Variants in PRUNE2 observed in about 807,000 individuals in gnomAD.
The protein encoded by PRUNE2 is prune homolog 2 with BCH domain.
Under a neutral mutation model 252.0 loss-of-function variants are expected in PRUNE2, and 164 were observed. The ratio of observed to expected loss-of-function variants is 0.65; its 90% confidence interval spans 0.57 to 0.74. The LOEUF is 0.74. Among genes scored for constraint, PRUNE2 ranks in the 30% least tolerant of loss-of-function variants. PRUNE2 has a pLI of 0.00. For missense variants in PRUNE2, 3,495 were observed against 3,711.0 expected, an observed-to-expected ratio of 0.94 and a Z score of 1.51; for synonymous variants, 1,292 against 1,350.2, an observed-to-expected ratio of 0.96 and a Z score of 0.94.
At chr9:76,751,251 G>GACACACACACACAC (rs3048276) in intron 6 of PRUNE2, among the ~76,000 whole-genome samples, 22 of 149,240 alleles carry the variant, frequency 1.5e-4, no homozygotes, top group African/African-American at 5.4e-4. Context: ...AGGGGACACA[G>GACACACACACACAC]ACACACACAC....
intron 1 of PRUNE2, among the ~76,000 whole-genome samples, chr9:76,901,320 A>C (rs1350141397): frequency 6.6e-6 from 1 of 152,080 alleles, no homozygotes; most frequent in Non-Finnish European, 1.5e-5. Context: ...CCTGCTCATA[A>C]ATGCTCTGGC....
intron 1 of PRUNE2, chr9:76,863,335 T>C (rs1027681728): frequency 6.6e-6 from 1 of 152,166 alleles, no homozygotes; most frequent in African/African-American, 2.4e-5. Flanking sequence ...TAATGTTGTA[T>C]AATGCATGTT....
chr9:76,905,659 C>T (rs1025392470), intron 1 of PRUNE2, among the ~76,000 whole-genome samples: 10 of 152,166 alleles, frequency 6.6e-5, no homozygotes, highest in African/African-American at 2.4e-4. Flanking sequence ...GATTTAGGGA[C>T]CGAAGCTGGA....
chr9:76,695,006 A>G (rs2045244621), intron 9 of PRUNE2, among the ~76,000 whole-genome samples: 2 of 152,202 alleles, frequency 1.3e-5, no homozygotes, highest in South Asian at 4.1e-4. Flanking sequence ...TGACTAATTA[A>G]ATAAAACCAT....
chr9:76,723,658 C>T (rs1334625199), intron 6 of PRUNE2, among the ~76,000 whole-genome samples: 1 of 152,054 alleles, frequency 6.6e-6, no homozygotes, highest in Non-Finnish European at 1.5e-5. Context: ...AAAGAAAAAC[C>T]AAGAGTTCTT....
chr9:76,897,179 A>ATATATGT (rs2062871765), intron 1 of PRUNE2, among the ~76,000 whole-genome samples: 1 of 152,104 alleles, frequency 6.6e-6, no homozygotes, highest in Non-Finnish European at 1.5e-5. Context: ...AGCGTGAACA[A>ATATATGT]TATATGTGCA....
rs369215188 is a variant in PRUNE2 at position 76,850,425 on chromosome 9, T to C, written c.344+38A>G. The C allele has an allele frequency of 5.2e-6, 8 of 1,525,602 alleles. No individual in the cohort carries two copies. The African/African-American group carries it at 9.6e-5, about 18-fold the overall frequency. The allele number at this position is 1,525,602 out of a possible 1,614,324, so 94.5% of individuals were successfully genotyped here. On this transcript the variant is annotated intron_variant, in intron 3 of 18. Transcript: ENST00000376718. ...ACACTTTGCCCAGTAGAACCTTCATTGAGGGATTAAACCTCAGAGCTTCAC... is the reference window on the plus strand; with the variant it reads ...ACACTTTGCCCAGTAGAACCTTCATCGAGGGATTAAACCTCAGAGCTTCAC...
chr9:76,667,864 G>A (rs1588378290), intron 9 of PRUNE2, among the ~76,000 whole-genome samples: 1 of 152,172 alleles, frequency 6.6e-6, no homozygotes, highest in Non-Finnish European at 1.5e-5. Context: ...CACAAACGTA[G>A]CTATAGACAA....
intron 9 of PRUNE2, among the ~76,000 whole-genome samples, chr9:76,683,954 T>G (rs1339621963): frequency 1.3e-5 from 2 of 151,082 alleles, no homozygotes; most frequent in African/African-American, 4.9e-5. Flanking sequence ...ATATTATATA[T>G]ATATACACAT....
At chr9:76,898,154 C>T (rs1035765819) in intron 1 of PRUNE2, among the ~76,000 whole-genome samples, 7 of 152,174 alleles carry the variant, frequency 4.6e-5, no homozygotes, top group African/African-American at 1.2e-4. Flanking sequence ...CATGATTAGC[C>T]GCCCGGCTGT....
intron 1 of PRUNE2, among the ~76,000 whole-genome samples, chr9:76,873,610 CT>C (rs770069939): frequency 2.0e-4 from 30 of 152,278 alleles, no homozygotes; most frequent in Admixed American, 4.6e-4. Flanking sequence ...GCGTCTTCCT[CT>C]CAAGCATAAT....
At chr9:76,823,877 CT>C in intron 5 of PRUNE2, 151 bp from the exon 6 acceptor site, 1 of 595,274 alleles carries the variant, frequency 1.7e-6, no homozygotes, top group Non-Finnish European at 3.0e-6. Context: ...CACACACACA[CT>C]AAGGCAATAA....
intron 1 of PRUNE2, chr9:76,862,089 TTA>T (rs1260374905): frequency 6.6e-6 from 1 of 152,230 alleles, no homozygotes; most frequent in Non-Finnish European, 1.5e-5. Context: ...TCACAGATCT[TTA>T]TAATCTCTTC....
chr9:76,778,027 A>T lies in PRUNE2; in HGVS notation c.756+45605T>A, dbSNP rs138643421. On this transcript the variant is annotated intron_variant, in intron 6 of 18. Coordinates refer to ENST00000376718, the MANE Select transcript of PRUNE2 (RefSeq NM_015225.3). ...CAGTAGGTGAGGTTAGAGGGGACCA[A>T]ATCATGTATTTTCCATCCAGAGGTT... Among the ~76,000 whole-genome samples the T allele has an allele frequency of 7.2e-5, 11 of 152,322 alleles. No individual in the cohort carries two copies. In the East Asian group the frequency reaches 1.9e-3, roughly 27 times the overall value.
intron 9 of PRUNE2, among the ~76,000 whole-genome samples, chr9:76,683,398 G>T (rs2043704069): frequency 6.6e-6 from 1 of 152,206 alleles, no homozygotes; most frequent in Admixed American, 6.5e-5. Flanking sequence ...GGTAAACATT[G>T]ACTGCGTGGT....
chr9:76,624,929 C>T, intron 16 of PRUNE2: 1 of 725,514 alleles, frequency 1.4e-6, no homozygotes. Context: ...ATACAGTGAC[C>T]TCTTGCTCTG....
chr9:76,652,466 C>T lies in PRUNE2; in HGVS notation c.8557+17G>A, dbSNP rs1164620025. 13 of 1,586,960 alleles carry T rather than the reference C, an allele frequency of 8.2e-6. No homozygotes were observed. The highest frequency in any genetic ancestry group is 1.1e-5 in the Non-Finnish European group (13 of 1,158,916). The stretch of plus-strand genomic sequence containing the variant: ...TATTTAGCATTTAACTTTGGCCTTG[C>T]CAACTTAGTGACTTACCATGGCCAG... On this transcript the variant is annotated intron_variant, in intron 11 of 18. Transcript: ENST00000376718.
At chr9:76,884,722 C>T (rs532217531) in intron 1 of PRUNE2, among the ~76,000 whole-genome samples, 54 of 152,304 alleles carry the variant, frequency 3.5e-4, no homozygotes, top group East Asian at 3.9e-4. Flanking sequence ...TAAAATGGAT[C>T]CCTGCATGGG....
chr9:76,740,428 G>A (rs971626277), intron 6 of PRUNE2: 1 of 136,862 alleles, frequency 7.3e-6, no homozygotes, highest in African/African-American at 2.9e-5. Flanking sequence ...CAGCCTGGGT[G>A]ACAGAGCAAA....
Sources: allele counts gnomAD v4.1 joint callset (sites outside exome capture counted in the v4.1 genomes callset), GRCh38; gene constraint gnomAD v4.1.1; transcripts MANE v1.5; gene names NCBI Gene and HGNC (gene_info 2026-07-23, HGNC 2026-07-21).